The following FHIP1A variants were observed in gnomAD, a reference collection of about 807,000 sequenced individuals.
The protein encoded by FHIP1A is FHF complex subunit HOOK interacting protein 1A, also known as FHF complex subunit HOOK-interacting protein 1A.
Under a neutral mutation model 88.6 loss-of-function variants are expected in FHIP1A, and 61 were observed. The ratio of observed to expected loss-of-function variants is 0.69; its 90% confidence interval spans 0.56 to 0.85. FHIP1A has a LOEUF of 0.85. Among genes scored for constraint, FHIP1A ranks in the 40% least tolerant of loss-of-function variants. The probability of loss-of-function intolerance (pLI) is 0.00; values close to 1 mark genes in which losing one functional copy is unlikely to be tolerated. For missense variants in FHIP1A, 1,154 were observed against 1,273.5 expected (o/e 0.91, Z 1.43); for synonymous variants, 478 against 496.0 (o/e 0.96, Z 0.48).
chr4:151,561,989 C>T (rs1194954683), intron 3 of FHIP1A, among the ~76,000 whole-genome samples: 1 of 152,086 alleles, frequency 6.6e-6, no homozygotes, highest in Admixed American at 6.6e-5. Flanking sequence ...TGTAAGAGAC[C>T]TAAGAAATCC....
intron 7 of FHIP1A, among the ~76,000 whole-genome samples, chr4:151,595,118 A>G (rs994100804): frequency 1.3e-5 from 2 of 152,232 alleles, no homozygotes; most frequent in Admixed American, 6.5e-5. Flanking sequence ...TTGTGATGTT[A>G]GGGTGTCAGT....
At chr4:151,504,292 C>A (rs1342773786) in intron 3 of FHIP1A, among the ~76,000 whole-genome samples, 1 of 152,096 alleles carries the variant, frequency 6.6e-6, no homozygotes, top group Non-Finnish European at 1.5e-5. Context: ...GATTTTTTTT[C>A]CTCTGGCTGT....
intron 8 of FHIP1A, 88 bp downstream of exon 8, chr4:151,629,957 C>T: frequency 9.3e-7 from 1 of 1,078,504 alleles, no homozygotes; most frequent in Non-Finnish European, 1.3e-6. Flanking sequence ...TGAATATTCT[C>T]TTTTGCTCTC....
intron 1 of FHIP1A, among the ~76,000 whole-genome samples, chr4:151,424,527 A>G (rs1733292298): frequency 6.6e-6 from 1 of 152,292 alleles, no homozygotes; most frequent in South Asian, 2.1e-4. Context: ...CTCAGAGTGG[A>G]TGGTTTGAAG....
In FHIP1A at chr4:151,641,220, G is replaced by C. The variant is rs529488605; in HGVS notation, c.1226+2464G>C. Among the ~76,000 whole-genome samples, 3 of 152,312 alleles carry C rather than the reference G, an allele frequency of 2.0e-5. No individual in the cohort carries two copies. In the South Asian group the frequency reaches 6.2e-4, roughly 32 times the overall value. ...TTTCTAATTCTGCTGTGCTGCTTGA[G>C]GGATTCCACCAGGAGAGAAACTGAG... is the stretch of plus-strand genomic sequence containing the variant. On this transcript the variant is annotated intron_variant, in intron 9 of 13. Coordinates refer to ENST00000435205, the MANE Select transcript of FHIP1A (RefSeq NM_001109977.3).
Position 151,609,052 on chromosome 4 carries a change from C to T in FHIP1A, c.978+20126C>T, listed in dbSNP as rs148623508. On this transcript the variant is annotated intron_variant, in intron 7 of 13. Transcript: ENST00000435205. Reference sequence around the variant, plus strand: ...ATTATTTATTACTATGAAATCAACCCTGCTCTCCTGTGTGGTGCTATTAAG... The same window carrying T: ...ATTATTTATTACTATGAAATCAACCTTGCTCTCCTGTGTGGTGCTATTAAG... 7.2e-3 allele frequency among the ~76,000 whole-genome samples: 1,091 copies of T among 152,282 alleles called. 12 individuals are homozygous for T. The highest frequency in any genetic ancestry group is 0.012 in the Admixed American group (188 of 15,298).
At chr4:151,625,570 C>T (rs1394896657) in intron 7 of FHIP1A, among the ~76,000 whole-genome samples, 4 of 152,208 alleles carry the variant, frequency 2.6e-5, no homozygotes, top group African/African-American at 9.6e-5. Flanking sequence ...CAATTTCACT[C>T]ATACGCCGTG....
At position 151,544,737 on chromosome 4, in the gene FHIP1A, A is replaced by C. The variant is rs1732422604; in HGVS notation, c.-122-21401A>C. 1.3e-5 allele frequency among the ~76,000 whole-genome samples: 2 copies of C among 152,144 alleles called. 1 individual carries two copies. Among genetic ancestry groups the C allele is most frequent in the South Asian group, 4.1e-4 (2 of 4,832 alleles). On this transcript the variant is annotated intron_variant, in intron 3 of 13. Coordinates refer to ENST00000435205, the MANE Select transcript of FHIP1A (RefSeq NM_001109977.3). ...GGTATTGAGAAAAGGAAATCCATGG[A>C]AGCTGGCTCAGCTTGACTTAATCTT...
intron 7 of FHIP1A, among the ~76,000 whole-genome samples, chr4:151,603,825 G>GT (rs1303953639): frequency 1.3e-5 from 2 of 152,122 alleles, no homozygotes; most frequent in Admixed American, 6.5e-5. Context: ...TCTTGAGTCT[G>GT]TTTTTTTGTT....
chr4:151,470,882 C>A (rs1729483788), intron 2 of FHIP1A, among the ~76,000 whole-genome samples: 1 of 152,082 alleles, frequency 6.6e-6, no homozygotes, highest in Admixed American at 6.6e-5. Flanking sequence ...TGGACTGTGG[C>A]CGTATTGTAT....
chr4:151,426,375 G>A (rs1733376256), intron 1 of FHIP1A, among the ~76,000 whole-genome samples: 1 of 151,970 alleles, frequency 6.6e-6, no homozygotes, highest in African/African-American at 2.4e-5. Context: ...TAAAAATTAG[G>A]TATGAGACTG....
intron 3 of FHIP1A, among the ~76,000 whole-genome samples, chr4:151,549,955 C>T (rs1732660930): frequency 6.6e-6 from 1 of 152,106 alleles, no homozygotes; most frequent in Non-Finnish European, 1.5e-5. Flanking sequence ...CCCTTACTTT[C>T]TACCTTTTGT....
chr4:151,612,324 C>A (rs1735352675), intron 7 of FHIP1A, among the ~76,000 whole-genome samples: 1 of 152,166 alleles, frequency 6.6e-6, no homozygotes, highest in African/African-American at 2.4e-5. Flanking sequence ...AGCAACTCCC[C>A]TTCCTCTCAA....
intron 3 of FHIP1A, among the ~76,000 whole-genome samples, chr4:151,484,920 G>A (rs752534618): frequency 3.9e-5 from 6 of 152,152 alleles, no homozygotes; most frequent in Non-Finnish European, 7.4e-5. Flanking sequence ...TGCAGAATTG[G>A]GGTGGTGAGT....
At chr4:151,588,819 G>A in intron 6 of FHIP1A, 21 bp from the exon 7 acceptor site, 1 of 1,455,768 alleles carries the variant, frequency 6.9e-7, no homozygotes, top group Non-Finnish European at 9.4e-7. Flanking sequence ...CCTTTTTCAT[G>A]CCTATGTGCC....
intron 2 of FHIP1A, among the ~76,000 whole-genome samples, chr4:151,476,058 C>T (rs578047881): frequency 6.6e-6 from 1 of 151,770 alleles, no homozygotes; most frequent in South Asian, 2.1e-4. Context: ...GACGGGGTTT[C>T]ACCATGTTGG....
intron 7 of FHIP1A, among the ~76,000 whole-genome samples, chr4:151,593,861 A>G (rs1369384889): frequency 6.6e-6 from 1 of 152,188 alleles, no homozygotes; most frequent in Non-Finnish European, 1.5e-5. Context: ...GAATGCTTCC[A>G]GCTTTTTCCC....
intron 4 of FHIP1A, among the ~76,000 whole-genome samples, chr4:151,575,159 T>C (rs1361031910): frequency 6.6e-6 from 1 of 152,180 alleles, no homozygotes; most frequent in East Asian, 1.9e-4. Flanking sequence ...AAAAGTATAA[T>C]TACATTTTTA....
At chr4:151,450,098 T>A (rs1342849988) in intron 1 of FHIP1A, among the ~76,000 whole-genome samples, 1 of 152,266 alleles carries the variant, frequency 6.6e-6, no homozygotes, top group East Asian at 1.9e-4. Flanking sequence ...TCATAAAAGT[T>A]TAAAATGTTT....
Sources: gnomAD v4.1 joint callset for allele counts (sites outside exome capture counted in the v4.1 genomes callset) on GRCh38, gnomAD v4.1.1 for gene constraint, MANE v1.5 for transcripts, NCBI Gene and HGNC (gene_info 2026-07-23, HGNC 2026-07-21) for gene names.